Variants in CAMK1G observed in about 807,000 individuals in gnomAD.
CAMK1G encodes calcium/calmodulin-dependent protein kinase type 1G.
A neutral mutation model predicts 54.8 loss-of-function variants in CAMK1G; 27 were observed. The ratio of observed to expected loss-of-function variants is 0.49; its 90% CI spans 0.36 to 0.68. The LOEUF (loss-of-function observed/expected upper bound fraction) is 0.68. Among genes scored for constraint, CAMK1G ranks in the 30% least tolerant of loss-of-function variants. The probability of loss-of-function intolerance (pLI) is 0.00; values close to 1 mark genes in which losing one functional copy is unlikely to be tolerated. For missense variants in CAMK1G, 512 were observed against 591.0 expected (o/e 0.87, Z 1.39); for synonymous variants, 238 against 224.9 (o/e 1.06, Z -0.52).
intron 3 of CAMK1G, 109 bp downstream of exon 3, chr1:209,600,220 C>T: frequency 1.5e-6 from 2 of 1,325,138 alleles, no homozygotes; most frequent in Admixed American, 4.2e-5. Flanking sequence ...AGGCATTGCT[C>T]ACTTTGATTG....
intron 4 of CAMK1G, among the ~76,000 whole-genome samples, chr1:209,603,889 G>A (rs762739259): frequency 4.6e-5 from 7 of 152,310 alleles, no homozygotes; most frequent in East Asian, 3.9e-4. Context: ...TAGGACAGAA[G>A]TGGTGCTTCA....
chr1:209,596,924 TGCA>T (rs747439344), intron 2 of CAMK1G, among the ~76,000 whole-genome samples: 40 of 152,226 alleles, frequency 2.6e-4, no homozygotes, highest in Non-Finnish European at 5.1e-4. Context: ...GGAGATAGGA[TGCA>T]GCAGCCAGGA....
chr1:209,590,329 C>T (rs1415831555), intron 1 of CAMK1G, among the ~76,000 whole-genome samples: 3 of 152,096 alleles, frequency 2.0e-5, no homozygotes, highest in African/African-American at 7.2e-5. Flanking sequence ...GCATGGGAGT[C>T]TTGAGGCGAT....
Position 209,605,752 on chromosome 1 carries a change from T to C in CAMK1G, c.435+78T>C, listed in dbSNP as rs533877300. On this transcript the variant is annotated intron_variant, in intron 5 of 12. Coordinates refer to ENST00000361322, the MANE Select transcript of CAMK1G (RefSeq NM_020439.3). ...TGCATGGGTCATGGGACATCTAAGCTCCATAAAGTAAGAGGGTTGGACTAG... is the reference window on the plus strand; with the variant it reads ...TGCATGGGTCATGGGACATCTAAGCCCCATAAAGTAAGAGGGTTGGACTAG... The C allele has an allele frequency of 2.0e-4, 291 of 1,445,908 alleles. 1 individual carries two copies. The highest frequency in any genetic ancestry group is 9.1e-4 in the Middle Eastern group (4 of 4,390). The allele number at this position is 1,445,908 out of a possible 1,614,324, so 89.6% of individuals were successfully genotyped here.
chr1:209,588,356 G>GGATTGGATTGGATTA (rs1665157286), intron 1 of CAMK1G, among the ~76,000 whole-genome samples: 1 of 7,882 alleles, frequency 1.3e-4, no homozygotes, highest in African/African-American at 3.8e-4. Flanking sequence ...GGAGCGGAAT[G>GGATTGGATTGGATTA]GATTGGATTG....
At chr1:209,587,290 GA>G (rs2102379269) in intron 1 of CAMK1G, among the ~76,000 whole-genome samples, 1 of 152,122 alleles carries the variant, frequency 6.6e-6, no homozygotes, top group Non-Finnish European at 1.5e-5. Context: ...AGGGCTGCTC[GA>G]AATTTCATCT....
intron 4 of CAMK1G, 128 bp from the exon 5 acceptor site, chr1:209,605,408 T>A: frequency 9.0e-7 from 1 of 1,109,174 alleles, no homozygotes; most frequent in South Asian, 1.6e-5. Flanking sequence ...TGGCAGCCCT[T>A]CAATCACAGT....
chr1:209,602,405 C>T (rs1295524247), intron 3 of CAMK1G, among the ~76,000 whole-genome samples: 3 of 152,184 alleles, frequency 2.0e-5, no homozygotes, highest in Non-Finnish European at 4.4e-5. Context: ...CCTTGCTTCT[C>T]GCAATATCTT....
chr1:209,595,695 C>T (rs186861839), intron 2 of CAMK1G, among the ~76,000 whole-genome samples: 9 of 152,336 alleles, frequency 5.9e-5, no homozygotes, highest in African/African-American at 2.2e-4. Flanking sequence ...ACTTTTGAGG[C>T]CCAGGGAGCT....
At chr1:209,589,335 T>C (rs1294553213) in intron 1 of CAMK1G, among the ~76,000 whole-genome samples, 2 of 152,158 alleles carry the variant, frequency 1.3e-5, no homozygotes, top group Non-Finnish European at 2.9e-5. Flanking sequence ...GAAATTATGA[T>C]GACAAGAAAG....
At chr1:209,593,836 T>G (rs1258563768) in intron 1 of CAMK1G, among the ~76,000 whole-genome samples, 2 of 152,212 alleles carry the variant, frequency 1.3e-5, no homozygotes, top group Non-Finnish European at 2.9e-5. Flanking sequence ...CTAAAAATCC[T>G]TCATGTCTTC....
rs142183885 is a variant in CAMK1G, at chr1:209,609,179, G to A, written c.748+87G>A. On this transcript the variant is annotated intron_variant, in intron 8 of 12. Coordinates refer to ENST00000361322, the MANE Select transcript of CAMK1G (RefSeq NM_020439.3). ...GAGCTTAACAAAGGATGACAGTCCC[G>A]GCTCTTCAAAGTCCCTGGGGATCTT... 6.0e-4 allele frequency: 911 copies of A among 1,528,780 alleles called. 4 individuals are homozygous for A. The African/African-American group carries it at 0.011, about 18-fold the overall frequency. The allele number at this position is 1,528,780 out of a possible 1,614,324, so 94.7% of individuals were successfully genotyped here.
chr1:209,586,059 C>T (rs955390935), intron 1 of CAMK1G, among the ~76,000 whole-genome samples: 2 of 152,256 alleles, frequency 1.3e-5, no homozygotes, highest in Non-Finnish European at 2.9e-5. Context: ...CTCAGAGCTT[C>T]CTGACACAGC....
intron 1 of CAMK1G, among the ~76,000 whole-genome samples, chr1:209,589,682 A>G (rs1410161559): frequency 1.3e-5 from 2 of 152,156 alleles, no homozygotes; most frequent in Admixed American, 6.5e-5. Flanking sequence ...TGAGTAATAC[A>G]TGGTCCCAGT....
At chr1:209,590,382 G>A (rs1015686281) in intron 1 of CAMK1G, among the ~76,000 whole-genome samples, 1 of 152,174 alleles carries the variant, frequency 6.6e-6, no homozygotes, top group Non-Finnish European at 1.5e-5. Context: ...CCAAAGCTAT[G>A]GGGGTTTCAG....
chr1:209,608,875 T>C (rs999144834), intron 7 of CAMK1G, 105 bp from the exon 8 acceptor site: 12 of 1,507,096 alleles, frequency 8.0e-6, no homozygotes, highest in Non-Finnish European at 1.8e-6. Context: ...TTCTGGGACC[T>C]TCAGTGCCCA....
intron 1 of CAMK1G, among the ~76,000 whole-genome samples, chr1:209,584,689 G>A (rs1665050088): frequency 6.6e-6 from 1 of 152,176 alleles, no homozygotes; most frequent in African/African-American, 2.4e-5. Context: ...TTGCTCTGGA[G>A]TCAGATAAAT....
chr1:209,611,815 G>A lies in CAMK1G; in HGVS notation c.939G>A (p.Val313=). Residue 313 remains valine, a synonymous_variant, in exon 11 of 13, where the codon GTG becomes GTA. Coordinates refer to ENST00000361322, the MANE Select transcript of CAMK1G (RefSeq NM_020439.3). ...KWRQAFNAAA[V]VHHMRKLHMN... ...AGCAAGCCTTCAACGCAGCAGCTGTGGTGCACCACATGAGGAAGCTACACA... is the reference window on the plus strand; with the variant it reads ...AGCAAGCCTTCAACGCAGCAGCTGTAGTGCACCACATGAGGAAGCTACACA... 6.2e-7 allele frequency: 1 copy of A among 1,614,070 alleles called. No individual in the cohort carries two copies. Among genetic ancestry groups the A allele is most frequent in the Non-Finnish European group, 8.5e-7 (1 of 1,180,034 alleles).
At chr1:209,587,396 C>G (rs987563227) in intron 1 of CAMK1G, among the ~76,000 whole-genome samples, 3 of 152,122 alleles carry the variant, frequency 2.0e-5, no homozygotes, top group African/African-American at 7.2e-5. Context: ...CCCCGGCACA[C>G]TAATATTAGT....
Sources: gnomAD v4.1 joint callset for allele counts (sites outside exome capture counted in the v4.1 genomes callset) on GRCh38, gnomAD v4.1.1 for gene constraint, MANE v1.5 for transcripts, NCBI Gene and HGNC (gene_info 2026-07-23, HGNC 2026-07-21) for gene names.